EFCAB5: variants seen among roughly 807,000 people sequenced by gnomAD.
The protein encoded by EFCAB5 is EF-hand calcium binding domain 5.
In EFCAB5, 131 loss-of-function variants were observed where a neutral mutation model predicts 167.9. That is an observed-to-expected ratio of 0.78 (90% CI 0.68 to 0.90). The LOEUF is 0.90. Among genes scored for constraint, EFCAB5 ranks in the 40% least tolerant of loss-of-function variants. The pLI, the probability that EFCAB5 is intolerant of heterozygous loss-of-function variation, is 0.00. For synonymous variants in EFCAB5, 574 were observed against 602.8 expected (o/e 0.95, Z 0.70); for missense variants, 1,663 against 1,745.2 (o/e 0.95, Z 0.84).
chr17:30,012,040 A>T (rs1223447990), intron 7 of EFCAB5, among the ~76,000 whole-genome samples: 1 of 152,176 alleles, frequency 6.6e-6, no homozygotes, highest in Admixed American at 6.5e-5. Context: ...GTGAGGAGTG[A>T]CCAGAAGACA....
intron 22 of EFCAB5, among the ~76,000 whole-genome samples, chr17:30,094,880 G>T (rs2071267587): frequency 6.6e-6 from 1 of 152,142 alleles, no homozygotes. Context: ...TCTGACTCCA[G>T]TGAGCACTCC....
intron 17 of EFCAB5, 95 bp downstream of exon 17, chr17:30,081,076 T>G: frequency 1.1e-6 from 1 of 935,794 alleles, no homozygotes; most frequent in Non-Finnish European, 1.6e-6. Flanking sequence ...AGAGTAAAGC[T>G]GTGTATACAG....
chr17:29,972,433 A>T (rs1302547892), intron 4 of EFCAB5: 1 of 152,100 alleles, frequency 6.6e-6, no homozygotes, highest in African/African-American at 2.4e-5. Flanking sequence ...AATATTGTGT[A>T]GTCATTGTTT....
chr17:30,021,525 T>C, intron 7 of EFCAB5, among the ~76,000 whole-genome samples: 2 of 149,938 alleles, frequency 1.3e-5, no homozygotes, highest in Middle Eastern at 6.9e-3. Flanking sequence ...ATTTATTTTA[T>C]ATATATAAAC....
Position 30,080,852 on chromosome 17 carries a change from T to G in EFCAB5, c.3297T>G (p.Tyr1099Ter). 4 of 1,613,898 alleles carry G rather than the reference T, an allele frequency of 2.5e-6. No homozygotes were observed. Among genetic ancestry groups the G allele is most frequent in the Non-Finnish European group, 3.4e-6 (4 of 1,179,848 alleles). ...ACCAGTCCCGTAATAAGCATGATTA[T>G]AATGGTTCATTCCTGGCTCTGCCTC... ...FWNQSRNKHD[Y>*]NGSFLALPLQ... Residue 1099 changes from tyrosine (Y) to a stop codon, truncating the protein, a stop_gained, in exon 17 of 23, where the codon TAT becomes TAG. Transcript: ENST00000394835. LOFTEE classifies it high-confidence loss of function.
In EFCAB5 at chr17:30,053,534, A is replaced by C. The variant is rs777425118; in HGVS notation, c.1580A>C (p.Gln527Pro). The change falls in exon 10 of 23, where the codon CAA (glutamine) becomes CCA (proline). Residue 527 changes from glutamine to proline, a missense_variant. Gln to Pro is a moderately conservative substitution (Grantham distance 76). Transcript: ENST00000394835. ...CAAAGAATTTCAATTGAAGAACAAC[A>C]ACAAGGCAAAAAGCCAACTGCAGAG... The part of the protein sequence containing the change: ...GPQRISIEEQ[Q>P]QGKKPTAEQE... 2.1e-4 allele frequency: 345 copies of C among 1,613,834 alleles called. No homozygotes were observed. The highest frequency in any genetic ancestry group is 2.9e-4 in the Non-Finnish European group (337 of 1,179,884).
Position 30,090,622 on chromosome 17 carries a change from C to A in EFCAB5, c.3885C>A (p.Cys1295Ter). 6.2e-7 allele frequency: 1 copy of A among 1,613,810 alleles called. No homozygotes were observed. The highest frequency in any genetic ancestry group is 8.5e-7 in the Non-Finnish European group (1 of 1,179,878). ...TGATGAAAGTGGTCCAAGTGGCCTG[C>A]TATGAAATACTTGGCGAGTTCTCTG... ...QKMMKVVQVA[C>*]YEILGEFSGE... Residue 1295 changes from cysteine to a stop codon, truncating the protein, a stop_gained, in exon 20 of 23, where the codon TGC (cysteine) becomes TGA (stop). Coordinates refer to ENST00000394835, the MANE Select transcript of EFCAB5 (RefSeq NM_198529.4). LOFTEE classifies it high-confidence loss of function.
At chr17:30,036,772 G>A (rs1487087905) in intron 8 of EFCAB5, among the ~76,000 whole-genome samples, 2 of 152,124 alleles carry the variant, frequency 1.3e-5, no homozygotes, top group African/African-American at 2.4e-5. Context: ...AGTTCTAAAA[G>A]CCCAGACTTT....
chr17:29,973,790 T>G (rs888994766), intron 4 of EFCAB5, among the ~76,000 whole-genome samples: 13 of 151,842 alleles, frequency 8.6e-5, no homozygotes, highest in African/African-American at 3.1e-4. Flanking sequence ...TTTCCTTTTA[T>G]CTTACATAGA....
intron 3 of EFCAB5, among the ~76,000 whole-genome samples, chr17:29,950,083 AT>A (rs969102783): frequency 2.1e-4 from 32 of 152,282 alleles, no homozygotes; most frequent in African/African-American, 7.5e-4. Flanking sequence ...TTTGAATTGC[AT>A]GGGTCCACTT....
intron 3 of EFCAB5, among the ~76,000 whole-genome samples, chr17:29,961,047 A>G (rs2067710928): frequency 6.6e-6 from 1 of 152,126 alleles, no homozygotes; most frequent in South Asian, 2.1e-4. Context: ...TAGCTGCATC[A>G]CTTTGCATTC....
At chr17:30,100,772 A>AG (rs996817900) in intron 22 of EFCAB5, among the ~76,000 whole-genome samples, 8 of 152,072 alleles carry the variant, frequency 5.3e-5, no homozygotes, top group Admixed American at 1.3e-4. Flanking sequence ...GTTCAAAAAA[A>AG]AAAAGGTGAG....
At chr17:30,011,757 G>C (rs1335078914) in intron 7 of EFCAB5, among the ~76,000 whole-genome samples, 1 of 152,138 alleles carries the variant, frequency 6.6e-6, no homozygotes, top group Non-Finnish European at 1.5e-5. Flanking sequence ...TGCAAACAGG[G>C]ACTATTTGAC....
At chr17:29,992,360 T>G (rs2068439604) in intron 4 of EFCAB5, among the ~76,000 whole-genome samples, 1 of 152,204 alleles carries the variant, frequency 6.6e-6, no homozygotes, top group African/African-American at 2.4e-5. Flanking sequence ...TTATTACTTA[T>G]TTTTTGAGAC....
intron 4 of EFCAB5, among the ~76,000 whole-genome samples, chr17:29,990,742 A>G (rs572696249): frequency 3.3e-5 from 5 of 152,330 alleles, no homozygotes; most frequent in South Asian, 2.1e-4. Flanking sequence ...TGGTGGGTGT[A>G]TCCTAACAGA....
At chr17:30,073,612 T>A in intron 14 of EFCAB5, 1 of 702,604 alleles carries the variant, frequency 1.4e-6, no homozygotes, top group Non-Finnish European at 2.7e-6. Flanking sequence ...GAGTTCGATA[T>A]TTGTTAACAG....
At chr17:30,018,876 T>C (rs756394757) in intron 7 of EFCAB5, among the ~76,000 whole-genome samples, 2 of 152,214 alleles carry the variant, frequency 1.3e-5, no homozygotes, top group Non-Finnish European at 2.9e-5. Context: ...ATCTATTTGC[T>C]TTTATTCTCC....
At chr17:29,936,341 G>A (rs1435106234) in intron 1 of EFCAB5, among the ~76,000 whole-genome samples, 2 of 152,168 alleles carry the variant, frequency 1.3e-5, no homozygotes, top group Non-Finnish European at 2.9e-5. Flanking sequence ...AGCATTAGGA[G>A]ATATACCTAA....
intron 10 of EFCAB5, 64 bp from the exon 11 acceptor site, chr17:30,055,823 AC>A: frequency 6.5e-7 from 1 of 1,536,510 alleles, no homozygotes; most frequent in Non-Finnish European, 8.9e-7. Flanking sequence ...TCACTTATTA[AC>A]CTTAAAATAG....
Sources: gnomAD v4.1 joint callset for allele counts (sites outside exome capture counted in the v4.1 genomes callset) on GRCh38, gnomAD v4.1.1 for gene constraint, MANE v1.5 for transcripts, NCBI Gene and HGNC (gene_info 2026-07-23, HGNC 2026-07-21) for gene names.